The following PLCB3 variants were observed in gnomAD, a reference collection of about 807,000 sequenced individuals.
The protein encoded by PLCB3 is phospholipase C beta 3.
PLCB3 carries 54 observed loss-of-function variants against 152.1 expected under a neutral mutation model. The ratio of observed to expected loss-of-function variants is 0.36; its 90% CI spans 0.29 to 0.45. The LOEUF (loss-of-function observed/expected upper bound fraction) is 0.45. PLCB3 is among the 20% of genes least tolerant of loss of function. The pLI is 1.00. For synonymous variants in PLCB3, 717 were observed against 698.7 expected (o/e 1.03, Z -0.41); for missense variants, 1,248 against 1,687.5 (o/e 0.74, Z 4.56).
intron 14 of PLCB3, 21 bp downstream of exon 14, chr11:64,260,255 AGGTC>A: frequency 6.6e-7 from 1 of 1,519,134 alleles, no homozygotes; most frequent in Non-Finnish European, 8.9e-7. Flanking sequence ...CAGGGTGGGC[AGGTC>A]GGGGAGGTAG....
Position 64,266,696 on chromosome 11 carries a change from C to A in PLCB3, c.3414+144C>A, listed in dbSNP as rs1406654848. On this transcript the variant is annotated intron_variant, in intron 29 of 30. Transcript: ENST00000279230. This position sits in a 1 kb window ranked among gnomAD's most constrained non-coding sequence, Gnocchi z 4.9. ...GTGCCCAACAGCCCCAGGGTACCCACATCATACCCAAAGCCAACTGTCTGT... is the reference window on the plus strand; with the variant it reads ...GTGCCCAACAGCCCCAGGGTACCCAAATCATACCCAAAGCCAACTGTCTGT... The A allele has an allele frequency of 7.9e-6, 6 of 759,302 alleles. No individual in the cohort carries two copies. The highest frequency in any genetic ancestry group is 1.6e-5 in the South Asian group (1 of 62,116). 47.0% of individuals were successfully genotyped at this position (759,302 alleles called of 1,614,324 possible).
chr11:64,268,722 C>T (rs2032267755), downstream of PLCB3: 1 of 152,324 alleles, frequency 6.6e-6, no homozygotes, highest in South Asian at 2.1e-4. Flanking sequence ...GGCTTGGCAC[C>T]TCTTCAAGGC....
In PLCB3 at chr11:64,258,880, C is replaced by A; in HGVS notation, c.1254-5C>A. On this transcript the variant is annotated splice_region_variant and splice_polypyrimidine_tract_variant and intron_variant, in intron 11 of 30. Transcript: ENST00000279230. The surrounding 1 kb of genome is among the most constrained non-coding windows in gnomAD (Gnocchi z 7.2). ...GATCTCTGACCTCTGACCTCGGTTCCGCAGGGCAAAGCAACAGGCAAAGAT... is the reference window on the plus strand; with the variant it reads ...GATCTCTGACCTCTGACCTCGGTTCAGCAGGGCAAAGCAACAGGCAAAGAT... 6.2e-7 allele frequency: 1 copy of A among 1,613,966 alleles called. No homozygotes were observed. The highest frequency in any genetic ancestry group is 8.5e-7 in the Non-Finnish European group (1 of 1,179,944).
rs775451768 is a variant in PLCB3 at position 64,267,406 on chromosome 11, G to A, written c.3555G>A (p.Gln1185=). ...ECQEQRARLP[Q]EIRRSLLGEM... Reference sequence around the variant, plus strand: ...AGGAGCAGCGGGCGAGGCTCCCCCAGGAGATCCGCCGGAGCCTGCTGGGCG... The same window carrying A: ...AGGAGCAGCGGGCGAGGCTCCCCCAAGAGATCCGCCGGAGCCTGCTGGGCG... Residue 1185 remains glutamine, a synonymous_variant, in exon 31 of 31, where the codon CAG becomes CAA. Coordinates refer to ENST00000279230, the MANE Select transcript of PLCB3 (RefSeq NM_000932.5). The surrounding 1 kb of genome is among the most constrained non-coding windows in gnomAD (Gnocchi z 5.2). The A allele has an allele frequency of 1.6e-4, 245 of 1,540,982 alleles. No individual in the cohort carries two copies. Among genetic ancestry groups the A allele is most frequent in the Non-Finnish European group, 2.1e-4 (239 of 1,142,332 alleles).
chr11:64,256,983 G>A (rs2031565779), intron 10 of PLCB3, among the ~76,000 whole-genome samples: 1 of 125,132 alleles, frequency 8.0e-6, no homozygotes, highest in Non-Finnish European at 1.7e-5. Flanking sequence ...TGCAGCAGGA[G>A]AGACTTCAGG....
chr11:64,265,422 A>T lies in PLCB3; in HGVS notation c.2955A>T (p.Ala985=). Residue 985 remains alanine (A), a synonymous_variant, in exon 25 of 31, where the codon GCA becomes GCT. Transcript: ENST00000279230. ...RELRKKHQRK[A]VTLTRRLLDG... is the part of the protein sequence containing the mutation. ...TGCGCAAGAAGCATCAGCGGAAGGC[A>T]GTCACCCTCACCCGCCGCCTGCTGG... The T allele has an allele frequency of 6.2e-7, 1 of 1,611,886 alleles. No individual in the cohort carries two copies. Among genetic ancestry groups the T allele is most frequent in the South Asian group, 1.1e-5 (1 of 91,080 alleles).
chr11:64,257,026 CAGAG>C (rs2031576330), intron 10 of PLCB3, among the ~76,000 whole-genome samples: 1 of 45,186 alleles, frequency 2.2e-5, no homozygotes, highest in Non-Finnish European at 6.4e-5. Context: ...TTTTTTGAGA[CAGAG>C]TTTCGCTCTT....
rs780030964 is a variant in PLCB3, at chr11:64,266,467, C to T, written c.3357-28C>T. The T allele has an allele frequency of 2.5e-5, 40 of 1,611,918 alleles. No homozygotes were observed. Among genetic ancestry groups the T allele is most frequent in the Admixed American group, 5.0e-5 (3 of 59,980 alleles). On this transcript the variant is annotated intron_variant, in intron 28 of 30. Transcript: ENST00000279230. The surrounding 1 kb of genome is among the most constrained non-coding windows in gnomAD (Gnocchi z 4.9). ...GGAGGCAGGGCAGGTGTCTGGGCCC[C>T]GAGCCATCCTGCGTTGCTCCCGTGC...
rs1461307987 is a variant in PLCB3 at position 64,262,089 on chromosome 11, C to T, written c.2038+13C>T. On this transcript the variant is annotated intron_variant, in intron 17 of 30. Coordinates refer to ENST00000279230, the MANE Select transcript of PLCB3 (RefSeq NM_000932.5). Reference sequence around the variant, plus strand: ...TTCCAGACCCTCGGTGAGCCCTGGCCCCCTCCATCTTGACCCCGACCCTCA... The same window carrying T: ...TTCCAGACCCTCGGTGAGCCCTGGCTCCCTCCATCTTGACCCCGACCCTCA... 6.2e-7 allele frequency: 1 copy of T among 1,614,008 alleles called. No individual in the cohort carries two copies. Among genetic ancestry groups the T allele is most frequent in the Non-Finnish European group, 8.5e-7 (1 of 1,179,968 alleles).
intron 10 of PLCB3, among the ~76,000 whole-genome samples, chr11:64,257,847 A>G (rs2031620077): frequency 6.6e-6 from 1 of 152,034 alleles, no homozygotes; most frequent in Admixed American, 6.6e-5. Context: ...GGATGATGCC[A>G]GGTGCTCTAT....
chr11:64,262,037 G>A lies in PLCB3; in HGVS notation c.1999G>A (p.Val667Ile), dbSNP rs901228245. The A allele has an allele frequency of 5.6e-6, 9 of 1,614,164 alleles. No homozygotes were observed. Among genetic ancestry groups the A allele is most frequent in the East Asian group, 2.2e-5 (1 of 44,890 alleles). ...SNYMPQLFWN[V>I]GCQLVALNFQ... ...CTACATGCCCCAGCTCTTCTGGAAC[G>A]TAGGGTGCCAGCTTGTTGCGCTCAA... Residue 667 changes from valine (V) to isoleucine (I), a missense_variant, in exon 17 of 31, where the codon GTA becomes ATA. By Grantham distance (29) the Val-to-Ile change is conservative (BLOSUM62 3). Transcript: ENST00000279230.
At chr11:64,252,790 G>A (rs1326914535) in intron 1 of PLCB3, among the ~76,000 whole-genome samples, 3 of 151,570 alleles carry the variant, frequency 2.0e-5, no homozygotes, top group African/African-American at 7.3e-5. Flanking sequence ...AAGGAAGTGG[G>A]AACAGGGAGA....
At chr11:64,256,133 C>T (rs997073758) in intron 8 of PLCB3, among the ~76,000 whole-genome samples, 2 of 152,166 alleles carry the variant, frequency 1.3e-5, no homozygotes, top group African/African-American at 4.8e-5. Context: ...GACCACTTGG[C>T]AGCTCCTAAG....
chr11:64,267,088 C>G lies in PLCB3; in HGVS notation c.3415-97C>G. On this transcript the variant is annotated intron_variant, in intron 29 of 30. Transcript: ENST00000279230. The surrounding 1 kb of genome is among the most constrained non-coding windows in gnomAD (Gnocchi z 5.2). The stretch of plus-strand genomic sequence containing the variant: ...GGATTATAGATGTGAGCCACTGCAC[C>G]CGGCCTCGCCCACCTGACTTCTATA... 1 of 1,082,748 alleles carries G rather than the reference C, an allele frequency of 9.2e-7. No homozygotes were observed. Among genetic ancestry groups the G allele is most frequent in the Non-Finnish European group, 1.4e-6 (1 of 728,828 alleles). The allele number at this position is 1,082,748 out of a possible 1,614,324, so 67.1% of individuals were successfully genotyped here. A position where few individuals can be genotyped will look rare whatever the true frequency, so the allele number is the denominator to read the frequency against.
rs2031923751 is a variant in PLCB3 at position 64,262,811 on chromosome 11, G to T, written c.2355+3G>T. 1.2e-6 allele frequency: 2 copies of T among 1,612,392 alleles called. No homozygotes were observed. The highest frequency in any genetic ancestry group is 2.2e-5 in the East Asian group (1 of 44,862). ...AAGAGCCCTTCGACTTCCCCAAGGT[G>T]AGCCTGGCCCCTGCACCCGCCCAGG... is the stretch of plus-strand genomic sequence containing the variant. On this transcript the variant is annotated splice_donor_region_variant and intron_variant, in intron 19 of 30. Transcript: ENST00000279230.
Position 64,265,955 on chromosome 11 carries a change from G to A in PLCB3, c.3105G>A (p.Gln1035=), listed in dbSNP as rs747438315. 1 of 1,613,886 alleles carries A rather than the reference G, an allele frequency of 6.2e-7. No individual in the cohort carries two copies. The highest frequency in any genetic ancestry group is 8.5e-7 in the Non-Finnish European group (1 of 1,180,026). ...AGGCAAAGCGGTATCAGGAGTTCCA[G>A]AACAGACAGGTGCAGAGCCTGCTGG... ...EDEAKRYQEF[Q]NRQVQSLLEL... is the part of the protein sequence containing the mutation. Residue 1035 remains glutamine (Q), a synonymous_variant, in exon 26 of 31, where the codon CAG becomes CAA. Transcript: ENST00000279230.
chr11:64,259,806 A>T (rs1282056079), intron 13 of PLCB3, among the ~76,000 whole-genome samples: 1 of 152,100 alleles, frequency 6.6e-6, no homozygotes, highest in Non-Finnish European at 1.5e-5. Context: ...CCTGCTGAAT[A>T]TCACTGCAGA....
At chr11:64,253,946 G>A (rs990252623) in intron 1 of PLCB3, among the ~76,000 whole-genome samples, 5 of 152,178 alleles carry the variant, frequency 3.3e-5, no homozygotes, top group Non-Finnish European at 5.9e-5. Context: ...GAAGGGCAGT[G>A]GGAGTCAGAC....
chr11:64,255,631 GA>G lies in PLCB3; in HGVS notation c.597+16del. The G allele has an allele frequency of 8.3e-6, 5 of 604,028 alleles. No individual in the cohort carries two copies. Among genetic ancestry groups the G allele is most frequent in the Non-Finnish European group, 1.6e-5 (5 of 321,530 alleles). 37.4% of individuals were successfully genotyped at this position (604,028 alleles called of 1,614,324 possible). ...AATTCAACCGGGTGTGTGGGGTGGG[GA>G]CAGGGGCGGGGTGGGGTGTCACGGT... On this transcript the variant is annotated intron_variant, in intron 7 of 30. Transcript: ENST00000279230. This position sits in a 1 kb window ranked among gnomAD's most constrained non-coding sequence, Gnocchi z 6.8.
Sources: allele counts gnomAD v4.1 joint callset (sites outside exome capture counted in the v4.1 genomes callset), GRCh38; gene constraint gnomAD v4.1.1; non-coding constraint Gnocchi (gnomAD v3.1); transcripts MANE v1.5; gene names NCBI Gene and HGNC (gene_info 2026-07-23, HGNC 2026-07-21).